RMC1: variants seen among roughly 807,000 people sequenced by gnomAD.
The protein encoded by RMC1 is regulator of MON1-CCZ1.
Under a neutral mutation model 95.5 loss-of-function variants are expected in RMC1, and 44 were observed. The ratio of observed to expected loss-of-function variants is 0.46; its 90% confidence interval spans 0.36 to 0.59. The LOEUF is 0.59. Ranked by LOEUF, RMC1 falls within the 20% of genes least tolerant of loss-of-function variation. The pLI is 0.00. For missense variants in RMC1, 705 were observed against 819.6 expected (o/e 0.86, Z 1.71); for synonymous variants, 320 against 303.6 (o/e 1.05, Z -0.56).
chr18:23,522,920 T>C (rs1407627330), intron 10 of RMC1: 1 of 152,406 alleles, frequency 6.6e-6, no homozygotes, highest in Admixed American at 6.5e-5. Flanking sequence ...TTGAGAAAGA[T>C]ATAACCAGCA....
chr18:23,529,920 G>T, intron 16 of RMC1, 108 bp from the exon 17 acceptor site: 1 of 1,162,554 alleles, frequency 8.6e-7, no homozygotes. Flanking sequence ...TTCTTGTAAT[G>T]ACAGACTTTT....
intron 19 of RMC1, 145 bp from the exon 20 acceptor site, chr18:23,531,480 G>C: frequency 1.4e-6 from 2 of 1,440,540 alleles, no homozygotes; most frequent in Non-Finnish European, 1.8e-6. Flanking sequence ...TCTCAAAGCA[G>C]ATAGGGTAAC....
chr18:23,520,432 C>G, intron 10 of RMC1, 119 bp downstream of exon 10: 3 of 862,138 alleles, frequency 3.5e-6, no homozygotes, highest in Non-Finnish European at 5.3e-6. Flanking sequence ...ATTCCCAGAT[C>G]TGTCTGATTT....
At chr18:23,507,937 A>T (rs1379973393) in intron 3 of RMC1, 48 bp from the exon 4 acceptor site, 1 of 1,581,696 alleles carries the variant, frequency 6.3e-7, no homozygotes, top group Middle Eastern at 1.8e-4. Context: ...GGTTGGCAGT[A>T]TGCTGCCTAA....
intron 7 of RMC1, among the ~76,000 whole-genome samples, chr18:23,516,883 G>A (rs904704415): frequency 1.3e-5 from 2 of 151,660 alleles, no homozygotes; most frequent in African/African-American, 2.4e-5. Context: ...GCGTCACCTC[G>A]CCCGGCTAGT....
Position 23,515,643 on chromosome 18 carries a change from G to A in RMC1, c.409-213G>A, listed in dbSNP as rs560172599. 6.6e-5 allele frequency among the ~76,000 whole-genome samples: 10 copies of A among 152,056 alleles called. 1 individual carries two copies. The highest frequency in any genetic ancestry group is 1.2e-4 in the Non-Finnish European group (8 of 68,004). On this transcript the variant is annotated intron_variant, in intron 5 of 19. Coordinates refer to ENST00000269221, the MANE Select transcript of RMC1 (RefSeq NM_013326.5). The stretch of plus-strand genomic sequence containing the variant: ...TCCTGGGTTCATTCAAGCAATTCTT[G>A]TGCCTCAGCCTTCTGAGTAGCTGGA...
In RMC1 at chr18:23,524,423, A is replaced by C. The variant is rs777435331; in HGVS notation, c.1007-6A>C. The C allele has an allele frequency of 1.1e-5, 17 of 1,613,734 alleles. No homozygotes were observed. In the Admixed American group the frequency reaches 2.7e-4, roughly 25 times the overall value. ...TTCCTGGTTTAGAATTTCCTATAAC[A>C]TGTGGATTCTTCATCTTGGATTGTC... On this transcript the variant is annotated splice_polypyrimidine_tract_variant and splice_region_variant and intron_variant, in intron 11 of 19. Coordinates refer to ENST00000269221, the MANE Select transcript of RMC1 (RefSeq NM_013326.5).
intron 7 of RMC1, among the ~76,000 whole-genome samples, chr18:23,516,645 A>T (rs2058013227): frequency 6.6e-6 from 1 of 151,776 alleles, no homozygotes; most frequent in Non-Finnish European, 1.5e-5. Flanking sequence ...ATGCTAAGGA[A>T]TTCCTTTACC....
Position 23,519,093 on chromosome 18 carries a change from C to A in RMC1, c.768C>A (p.His256Gln). ...GAGAAGGTGCCTGTAAAAAGATGCA[C>A]ATATTGAAGTTAAATAGGACGGGAA... is the stretch of plus-strand genomic sequence containing the variant. ...LPREGACKKM[H>Q]ILKLNRTGKF... Residue 256 changes from histidine to glutamine, a missense_variant, in exon 9 of 20, where the codon CAC becomes CAA. His to Gln is a conservative substitution (Grantham distance 24). Coordinates refer to ENST00000269221, the MANE Select transcript of RMC1 (RefSeq NM_013326.5). The A allele has an allele frequency of 6.2e-7, 1 of 1,614,136 alleles. No individual in the cohort carries two copies. The highest frequency in any genetic ancestry group is 8.5e-7 in the Non-Finnish European group (1 of 1,180,012).
At chr18:23,526,549 C>A (rs2058302849) in intron 12 of RMC1, 88 bp from the exon 13 acceptor site, 1 of 1,500,750 alleles carries the variant, frequency 6.7e-7, no homozygotes, top group Non-Finnish European at 9.0e-7. Context: ...CACCTGCCAC[C>A]CGCCCCGCAG....
At chr18:23,531,586 T>C (rs2145318401) in intron 19 of RMC1, 39 bp from the exon 20 acceptor site, 1 of 1,602,398 alleles carries the variant, frequency 6.2e-7, no homozygotes, top group African/African-American at 1.3e-5. Context: ...CCTCATTTCA[T>C]GCCACATCTA....
At chr18:23,522,217 G>T (rs1652337) in intron 10 of RMC1, 29 of 152,184 alleles carry the variant, frequency 1.9e-4, no homozygotes, top group African/African-American at 6.3e-4. Flanking sequence ...TAGGTCTTTT[G>T]GCTTTCTGTG....
chr18:23,516,133 T>G, intron 6 of RMC1, 137 bp downstream of exon 6: 4 of 1,385,926 alleles, frequency 2.9e-6, no homozygotes, highest in Non-Finnish European at 4.0e-6. Context: ...GAGGGCACTC[T>G]GTATACCCGT....
intron 5 of RMC1, among the ~76,000 whole-genome samples, chr18:23,514,298 T>A (rs544557895): frequency 1.3e-5 from 2 of 152,242 alleles, no homozygotes; most frequent in Admixed American, 6.5e-5. Flanking sequence ...GGCGATCATC[T>A]GAGGTCAGGA....
At chr18:23,526,574 C>T (rs2058304002) in intron 12 of RMC1, 63 bp from the exon 13 acceptor site, 7 of 1,580,040 alleles carry the variant, frequency 4.4e-6, no homozygotes, top group Non-Finnish European at 6.0e-6. Context: ...TTAGGGGAAC[C>T]ACTTTTGGGC....
At chr18:23,524,058 T>C (rs1482421807) in intron 10 of RMC1, 72 bp from the exon 11 acceptor site, 2 of 1,458,264 alleles carry the variant, frequency 1.4e-6, no homozygotes, top group Non-Finnish European at 1.9e-6. Context: ...GTATTGACTT[T>C]TGTGTCATAA....
chr18:23,507,864 G>A, intron 3 of RMC1, 121 bp from the exon 4 acceptor site: 1 of 777,144 alleles, frequency 1.3e-6, no homozygotes. Flanking sequence ...GTTGTCTTCA[G>A]TTATTTTCTG....
chr18:23,530,652 C>A, intron 19 of RMC1, 40 bp downstream of exon 19: 1 of 1,585,132 alleles, frequency 6.3e-7, no homozygotes, highest in South Asian at 1.1e-5. Context: ...ACCATAGCCT[C>A]AAAGAGTAGC....
chr18:23,523,543 C>CAAAAAAAAAAAAAA (rs374224848), intron 10 of RMC1, among the ~76,000 whole-genome samples: 6 of 76,376 alleles, frequency 7.9e-5, no homozygotes, highest in African/African-American at 2.3e-4. Context: ...CTTGTCTTCA[C>CAAAAAAAAAAAAAA]AAAAAAAAAA....
Sources: gnomAD v4.1 joint callset for allele counts (sites outside exome capture counted in the v4.1 genomes callset) on GRCh38, gnomAD v4.1.1 for gene constraint, MANE v1.5 for transcripts, NCBI Gene and HGNC (gene_info 2026-07-23, HGNC 2026-07-21) for gene names.